The following AFAP1 variants were observed in gnomAD, a reference collection of about 807,000 sequenced individuals.
AFAP1 encodes the protein actin filament-associated protein 1.
AFAP1 carries 75 observed loss-of-function variants against 93.9 expected under a neutral mutation model. The observed-to-expected ratio is 0.80, with a 90% confidence interval of 0.66 to 0.97. The LOEUF (loss-of-function observed/expected upper bound fraction) is 0.97. AFAP1 is among the 50% of genes least tolerant of loss of function. The pLI is 0.00. For synonymous variants in AFAP1, 517 were observed against 430.7 expected, an observed-to-expected ratio of 1.20 and a Z score of -2.48; for missense variants, 1,201 against 1,050.8, an observed-to-expected ratio of 1.14 and a Z score of -1.98.
intron 6 of AFAP1, among the ~76,000 whole-genome samples, chr4:7,825,430 A>G (rs1355129210): frequency 6.6e-6 from 1 of 152,240 alleles, no homozygotes; most frequent in Admixed American, 6.5e-5. Flanking sequence ...CTTTCAAATT[A>G]AAAACAGATA....
chr4:7,801,109 A>G (rs1718979448), intron 9 of AFAP1, among the ~76,000 whole-genome samples: 1 of 152,206 alleles, frequency 6.6e-6, no homozygotes. Context: ...TTGGCTTAAC[A>G]TGAAGAAACA....
intron 3 of AFAP1, among the ~76,000 whole-genome samples, chr4:7,862,735 T>C (rs572979392): frequency 2.0e-5 from 3 of 152,262 alleles, no homozygotes; most frequent in Admixed American, 6.5e-5. Flanking sequence ...AAACATGATA[T>C]AACCTCAGGC....
chr4:7,804,506 A>G (rs534123788), intron 9 of AFAP1, among the ~76,000 whole-genome samples: 38 of 136,538 alleles, frequency 2.8e-4, no homozygotes, highest in Non-Finnish European at 5.3e-4. Context: ...CTAACTTTAC[A>G]GCTCGAAGAT....
chr4:7,823,660 A>C (rs1721173514), intron 6 of AFAP1, among the ~76,000 whole-genome samples: 1 of 152,206 alleles, frequency 6.6e-6, no homozygotes, highest in African/African-American at 2.4e-5. Flanking sequence ...CCTTTCCAAG[A>C]AGCTTTCCTG....
intron 5 of AFAP1, among the ~76,000 whole-genome samples, chr4:7,840,089 AAG>A (rs1445478257): frequency 1.3e-5 from 2 of 152,146 alleles, no homozygotes; most frequent in African/African-American, 4.8e-5. Context: ...CACCTGCCTG[AAG>A]AGTCAGGCAA....
intron 14 of AFAP1, chr4:7,776,411 CGT>C (rs1716131695): frequency 6.6e-6 from 1 of 151,886 alleles, no homozygotes; most frequent in Non-Finnish European, 1.5e-5. Flanking sequence ...CGTGTGCATG[CGT>C]GTTTTAAATT....
chr4:7,807,315 A>C (rs4689868), intron 9 of AFAP1, among the ~76,000 whole-genome samples: 95,538 of 152,100 alleles, frequency 0.63, 31,970 homozygotes, highest in African/African-American at 0.84. Context: ...TTGTTAATCG[A>C]TAACTCTCAA....
chr4:7,911,952 G>A (rs1005655758), intron 1 of AFAP1, among the ~76,000 whole-genome samples: 2 of 152,226 alleles, frequency 1.3e-5, no homozygotes, highest in African/African-American at 4.8e-5. Context: ...AGGATTCCAT[G>A]ATAAGGCAGA....
chr4:7,823,584 C>G (rs1721163625), intron 6 of AFAP1, among the ~76,000 whole-genome samples: 1 of 152,198 alleles, frequency 6.6e-6, no homozygotes, highest in Admixed American at 6.5e-5. Flanking sequence ...CTCTCCTGTT[C>G]CCATCAGCTC....
intron 4 of AFAP1, among the ~76,000 whole-genome samples, chr4:7,845,196 C>T (rs1179683437): frequency 2.6e-5 from 4 of 152,148 alleles, no homozygotes; most frequent in South Asian, 2.1e-4. Flanking sequence ...CCAAGGCGGG[C>T]GAATCACTTG....
chr4:7,868,721 T>C lies in AFAP1; in HGVS notation c.128-2A>G, dbSNP rs867486798. On this transcript the variant is annotated splice_acceptor_variant, in intron 2 of 17. Coordinates refer to ENST00000420658, the MANE Select transcript of AFAP1 (RefSeq NM_001134647.2). LOFTEE classifies it high-confidence loss of function. ...GAGCATGGTCCTTCACATCAAAACC[T>C]GTAAGAATTAACCAGAACCACAGAA... is the stretch of plus-strand genomic sequence containing the variant. 1.2e-5 allele frequency: 19 copies of C among 1,612,882 alleles called. No individual in the cohort carries two copies. The highest frequency in any genetic ancestry group is 5.9e-6 in the Non-Finnish European group (7 of 1,179,780).
At chr4:7,824,271 T>C (rs1428083511) in intron 6 of AFAP1, among the ~76,000 whole-genome samples, 1 of 152,200 alleles carries the variant, frequency 6.6e-6, no homozygotes, top group Non-Finnish European at 1.5e-5. Context: ...ATATATTTTG[T>C]GGTATTTTGT....
intron 1 of AFAP1, among the ~76,000 whole-genome samples, chr4:7,902,772 A>G (rs997695889): frequency 4.6e-5 from 7 of 152,228 alleles, no homozygotes; most frequent in Non-Finnish European, 7.3e-5. Context: ...AGAAGTGACC[A>G]GGCACTGGGA....
chr4:7,864,265 C>G (rs376924152), intron 3 of AFAP1, among the ~76,000 whole-genome samples: 1 of 152,210 alleles, frequency 6.6e-6, no homozygotes, highest in East Asian at 1.9e-4. Context: ...CTACCTGCAA[C>G]GCTCCTAGTA....
intron 15 of AFAP1, chr4:7,774,424 G>T: frequency 3.0e-6 from 1 of 332,438 alleles, no homozygotes; most frequent in Non-Finnish European, 5.5e-6. Context: ...GCGGATACAG[G>T]GGCCATCCTC....
At chr4:7,822,208 G>A (rs1384085937) in intron 6 of AFAP1, among the ~76,000 whole-genome samples, 1 of 152,162 alleles carries the variant, frequency 6.6e-6, no homozygotes, top group African/African-American at 2.4e-5. Context: ...AAACCCACCT[G>A]GGTTTAAACC....
At chr4:7,768,278 A>T (rs1427331941) in intron 17 of AFAP1, among the ~76,000 whole-genome samples, 2 of 152,210 alleles carry the variant, frequency 1.3e-5, no homozygotes, top group Non-Finnish European at 2.9e-5. Flanking sequence ...ACTGTGTTTT[A>T]AAGATTTCTG....
intron 17 of AFAP1, among the ~76,000 whole-genome samples, chr4:7,764,373 ATG>A (rs1714249913): frequency 6.7e-6 from 1 of 149,780 alleles, no homozygotes; most frequent in Non-Finnish European, 1.5e-5. Context: ...AGACCGCATC[ATG>A]TCTATTTCAA....
chr4:7,816,293 G>T (rs968136083), intron 7 of AFAP1, among the ~76,000 whole-genome samples, 194 bp from the exon 8 acceptor site: 1 of 151,448 alleles, frequency 6.6e-6, no homozygotes, highest in Admixed American at 6.6e-5. Flanking sequence ...AAAACATCCA[G>T]AGGGGGAAAA....
Sources: allele counts gnomAD v4.1 joint callset (sites outside exome capture counted in the v4.1 genomes callset), GRCh38; gene constraint gnomAD v4.1.1; transcripts MANE v1.5; gene names NCBI Gene and HGNC (gene_info 2026-07-23, HGNC 2026-07-21).